The following JPH3 variants were observed in gnomAD, a reference collection of about 807,000 sequenced individuals.
The protein encoded by JPH3 is junctophilin-3.
A neutral mutation model predicts 59.6 loss-of-function variants in JPH3; 11 were observed. The ratio of observed to expected loss-of-function variants is 0.18; its 90% CI spans 0.12 to 0.31. JPH3 has a LOEUF of 0.31. JPH3 is among the 10% of genes least tolerant of loss of function. The pLI is 1.00. For missense variants in JPH3, 1,202 were observed against 1,105.7 expected (o/e 1.09, Z -1.24); for synonymous variants, 673 against 483.6 (o/e 1.39, Z -5.14).
chr16:87,691,518 G>A (rs1045106505), intron 4 of JPH3, among the ~76,000 whole-genome samples: 10 of 152,284 alleles, frequency 6.6e-5, no homozygotes, highest in African/African-American at 2.4e-4. Flanking sequence ...GGGACCATTG[G>A]TAGGTTTATT....
intron 2 of JPH3, among the ~76,000 whole-genome samples, chr16:87,650,342 T>C (rs1991506): frequency 0.22 from 32,816 of 152,154 alleles, 3,746 homozygotes; most frequent in East Asian, 0.35. Context: ...TGCTCTGTGT[T>C]CTGACCAATC....
In JPH3 at chr16:87,689,690, A is replaced by T. The variant is rs769672482; in HGVS notation, c.1330A>T (p.Ile444Phe). Residue 444 changes from isoleucine to phenylalanine, a missense_variant, in exon 4 of 5, where the codon ATC (isoleucine) becomes TTC (phenylalanine). Ile to Phe is a conservative substitution (Grantham distance 21). Transcript: ENST00000284262. ...RPKRQTSCDD[I>F]EVLSTGTPLQ... The stretch of plus-strand genomic sequence containing the variant: ...GAAGCGTCAGACCTCCTGTGACGAC[A>T]TCGAGGTGCTGTCCACCGGGACACC... The T allele has an allele frequency of 6.2e-7, 1 of 1,612,438 alleles. No homozygotes were observed. The highest frequency in any genetic ancestry group is 1.7e-5 in the Admixed American group (1 of 59,976).
intron 2 of JPH3, among the ~76,000 whole-genome samples, chr16:87,667,729 T>C (rs1191799942): frequency 6.6e-6 from 1 of 152,220 alleles, no homozygotes; most frequent in Admixed American, 6.5e-5. Flanking sequence ...CAACACACTT[T>C]TTCTGTCAAG....
intron 1 of JPH3, among the ~76,000 whole-genome samples, chr16:87,620,478 G>T (rs1392074386): frequency 8.2e-6 from 1 of 121,948 alleles, no homozygotes; most frequent in African/African-American, 3.0e-5. Flanking sequence ...GAGAAGGAGA[G>T]AAGAGAGGGA....
intron 2 of JPH3, among the ~76,000 whole-genome samples, chr16:87,665,033 G>T (rs533296810): frequency 2.0e-5 from 3 of 152,368 alleles, no homozygotes; most frequent in Non-Finnish European, 2.9e-5. Context: ...TTGACAAATG[G>T]TCGGTGCTCC....
Position 87,689,734 on chromosome 16 carries a change from C to G in JPH3, c.1374C>G (p.Pro458=), listed in dbSNP as rs1268988115. The change falls in exon 4 of 5, where the codon CCC becomes CCG. Residue 458 remains proline (P), a synonymous_variant. Transcript: ENST00000284262. ...STGTPLQQES[P]ELYRKGTTPS... The stretch of plus-strand genomic sequence containing the variant: ...GGACACCCCTGCAGCAGGAGAGCCC[C>G]GAGCTGTACCGCAAGGGCACCACTC... 1 of 1,612,452 alleles carries G rather than the reference C, an allele frequency of 6.2e-7. No individual in the cohort carries two copies.
At chr16:87,695,205 G>A in intron 4 of JPH3, 1 of 416,630 alleles carries the variant, frequency 2.4e-6, no homozygotes, top group South Asian at 1.8e-5. Context: ...CTTAATGCAG[G>A]CCTGAGCAGC....
intron 2 of JPH3, among the ~76,000 whole-genome samples, chr16:87,659,234 G>T (rs573806321): frequency 6.6e-6 from 1 of 151,874 alleles, no homozygotes; most frequent in East Asian, 1.9e-4. Context: ...AAATTCAGCC[G>T]GGTATGGTGG....
At chr16:87,659,062 G>C (rs1213394710) in intron 2 of JPH3, among the ~76,000 whole-genome samples, 1 of 152,188 alleles carries the variant, frequency 6.6e-6, no homozygotes, top group Non-Finnish European at 1.5e-5. Flanking sequence ...CCTGCCCCAT[G>C]CCTGGCTTTG....
Position 87,690,283 on chromosome 16 carries a change from C to T in JPH3, c.1923C>T (p.Asp641=), listed in dbSNP as rs749538454. ...GCGGCGCCTGCCGGGGCTTGGGGGACGACCACCGCCCCGAGGACCGGGGCT... is the reference window on the plus strand; with the variant it reads ...GCGGCGCCTGCCGGGGCTTGGGGGATGACCACCGCCCCGAGGACCGGGGCT... ...SKGGACRGLG[D]DHRPEDRGFG... is the part of the protein sequence containing the mutation. Residue 641 remains aspartate (D), a synonymous_variant, in exon 4 of 5, where the codon GAC becomes GAT. Transcript: ENST00000284262. The T allele has an allele frequency of 3.1e-6, 5 of 1,599,756 alleles. No homozygotes were observed. The highest frequency in any genetic ancestry group is 3.3e-4 in the Middle Eastern group (2 of 6,042).
At chr16:87,672,195 G>A (rs949629759) in intron 2 of JPH3, among the ~76,000 whole-genome samples, 1 of 152,128 alleles carries the variant, frequency 6.6e-6, no homozygotes, top group Non-Finnish European at 1.5e-5. Flanking sequence ...GTGAGGGGAG[G>A]CGGCAGCAAG....
rs2033533851 is a variant in JPH3 at position 87,690,304 on chromosome 16, G to A, written c.1944G>A (p.Arg648=). The change falls in exon 4 of 5, where the codon CGG becomes CGA. Residue 648 remains arginine (R), a synonymous_variant. Coordinates refer to ENST00000284262, the MANE Select transcript of JPH3 (RefSeq NM_020655.4). ...GLGDDHRPED[R]GFGVQRLRSK... ...GGGACGACCACCGCCCCGAGGACCG[G>A]GGCTTCGGGGTGCAGAGACTGCGGT... 1.3e-6 allele frequency: 2 copies of A among 1,595,662 alleles called. No individual in the cohort carries two copies. The highest frequency in any genetic ancestry group is 2.3e-5 in the South Asian group (2 of 88,530).
At chr16:87,622,807 T>G (rs1430333161) in intron 1 of JPH3, among the ~76,000 whole-genome samples, 1 of 151,746 alleles carries the variant, frequency 6.6e-6, no homozygotes, top group African/African-American at 2.4e-5. Flanking sequence ...ATGGGGAGCG[T>G]GGGCTGGGGC....
intron 2 of JPH3, among the ~76,000 whole-genome samples, chr16:87,649,374 C>T (rs566206865): frequency 1.3e-5 from 2 of 152,350 alleles, no homozygotes; most frequent in African/African-American, 2.4e-5. Context: ...ACACACAGGG[C>T]ACCTTTGCAC....
chr16:87,642,250 G>T (rs554453163), intron 1 of JPH3, among the ~76,000 whole-genome samples: 3 of 151,884 alleles, frequency 2.0e-5, no homozygotes, highest in Non-Finnish European at 2.9e-5. Context: ...AGGGAAAGGG[G>T]GGGGGCAGTG....
At chr16:87,604,901 T>C in intron 1 of JPH3, 1 of 435,820 alleles carries the variant, frequency 2.3e-6, no homozygotes, top group Non-Finnish European at 4.6e-6. Context: ...ATGGAGCAGG[T>C]TGGAGAGCTT....
At chr16:87,675,784 C>T (rs1461024634) in intron 2 of JPH3, among the ~76,000 whole-genome samples, 6 of 152,238 alleles carry the variant, frequency 3.9e-5, no homozygotes, top group Non-Finnish European at 4.4e-5. Context: ...TGTTCCCCAG[C>T]ACTGCTTCTG....
chr16:87,688,586 C>T (rs780722238), intron 3 of JPH3, among the ~76,000 whole-genome samples: 4 of 152,146 alleles, frequency 2.6e-5, no homozygotes, highest in Admixed American at 6.5e-5. Context: ...TCTTGGTGTC[C>T]GAGCTGGTCT....
chr16:87,654,582 C>T (rs550622390), intron 2 of JPH3: 1 of 152,482 alleles, frequency 6.6e-6, no homozygotes, highest in Admixed American at 6.5e-5. Context: ...CTGCTAGACT[C>T]TGCTTCCCGG....
Sources: allele counts gnomAD v4.1 joint callset (sites outside exome capture counted in the v4.1 genomes callset), GRCh38; gene constraint gnomAD v4.1.1; transcripts MANE v1.5; gene names NCBI Gene and HGNC (gene_info 2026-07-23, HGNC 2026-07-21).